The following AKNA variants were observed in gnomAD, a reference collection of about 807,000 sequenced individuals.
AKNA encodes the protein AT-hook transcription factor, also known as microtubule organization protein AKNA.
A neutral mutation model predicts 138.8 loss-of-function variants in AKNA; 67 were observed. The ratio of observed to expected loss-of-function variants is 0.48; its 90% CI spans 0.40 to 0.59. The LOEUF (loss-of-function observed/expected upper bound fraction) is 0.59. Among genes scored for constraint, AKNA ranks in the 20% least tolerant of loss-of-function variants. AKNA has a pLI of 0.00. For synonymous variants in AKNA, 737 were observed against 754.4 expected (o/e 0.98, Z 0.38); for missense variants, 1,813 against 1,880.4 (o/e 0.96, Z 0.66).
chr9:114,347,980 G>A (rs1047243118), intron 15 of AKNA, 80 bp from the exon 16 acceptor site: 42 of 1,473,370 alleles, frequency 2.9e-5, no homozygotes, highest in Admixed American at 7.2e-5. Flanking sequence ...GCCAGGATGC[G>A]GCAGCCTTTG....
intron 12 of AKNA, among the ~76,000 whole-genome samples, chr9:114,357,360 T>C (rs1203809341): frequency 4.6e-5 from 7 of 152,196 alleles, no homozygotes; most frequent in African/African-American, 1.2e-4. Flanking sequence ...GCCCAAGGCA[T>C]TGGAAAAACG....
downstream of AKNA, among the ~76,000 whole-genome samples, chr9:114,331,039 T>G (rs944717797): frequency 5.9e-5 from 9 of 152,026 alleles, no homozygotes; most frequent in African/African-American, 1.7e-4. Flanking sequence ...GAGAATTAGA[T>G]GAGGAAACAT....
chr9:114,375,570 T>C (rs1373339767), intron 3 of AKNA, among the ~76,000 whole-genome samples: 2 of 152,206 alleles, frequency 1.3e-5, no homozygotes, highest in Non-Finnish European at 2.9e-5. Flanking sequence ...TATGTGGTTA[T>C]GTTTAATATA....
At chr9:114,397,110 C>A (rs999654317), upstream of AKNA, among the ~76,000 whole-genome samples, 4 of 152,180 alleles carry the variant, frequency 2.6e-5, no homozygotes, top group African/African-American at 9.7e-5. Context: ...AAATGCAAAC[C>A]GGCTGGACTT....
In AKNA at chr9:114,349,495, G is replaced by A. The variant is rs79140535; in HGVS notation, c.3221+1364C>T. Reference sequence around the variant, plus strand: ...CTTCCCCTCTGTAGGGGCCCTCCCCGAGAACCCAGTCCCCATCATCTCTCT... The same window carrying A: ...CTTCCCCTCTGTAGGGGCCCTCCCCAAGAACCCAGTCCCCATCATCTCTCT... On this transcript the variant is annotated intron_variant, in intron 15 of 21. Coordinates refer to ENST00000374088, the MANE Select transcript of AKNA (RefSeq NM_001317950.2). 3.7e-3 allele frequency among the ~76,000 whole-genome samples: 564 copies of A among 152,126 alleles called. 3 individuals are homozygous for A. The highest frequency in any genetic ancestry group is 0.013 in the African/African-American group (532 of 41,476).
At position 114,376,867 on chromosome 9, in the gene AKNA, A is replaced by G. The variant is rs1366083767; in HGVS notation, c.940T>C (p.Ser314Pro). 6.2e-7 allele frequency: 1 copy of G among 1,614,144 alleles called. No individual in the cohort carries two copies. The highest frequency in any genetic ancestry group is 8.5e-7 in the Non-Finnish European group (1 of 1,179,998). Residue 314 changes from serine (S) to proline (P), a missense_variant, in exon 3 of 22, where the codon TCC (serine) becomes CCC (proline). Physicochemically the swap from Ser to Pro is moderately conservative, Grantham distance 74. Coordinates refer to ENST00000374088, the MANE Select transcript of AKNA (RefSeq NM_001317950.2). ...GGCTGGGGATTCAGGGGGCTGATGG[A>G]GCCAATGAATCGGGAAGGGAGTGGC... Reference protein sequence around the residue: ...PKPLPSRFIGSISPLNPQPRP... With the variant: ...PKPLPSRFIGPISPLNPQPRP...
chr9:114,375,287 G>A (rs757688417), intron 3 of AKNA, among the ~76,000 whole-genome samples: 3 of 152,166 alleles, frequency 2.0e-5, no homozygotes. Flanking sequence ...ACTGATTTCC[G>A]CAACAAATGA....
intron 15 of AKNA, 80 bp downstream of exon 15, chr9:114,350,779 C>T (rs1358369810): frequency 1.4e-6 from 2 of 1,450,162 alleles, no homozygotes; most frequent in African/African-American, 1.4e-5. Flanking sequence ...CAGGTCTCCA[C>T]CTCCACCTGC....
At chr9:114,396,171 C>T (rs1479582464), upstream of AKNA, among the ~76,000 whole-genome samples, 2 of 152,184 alleles carry the variant, frequency 1.3e-5, no homozygotes, top group African/African-American at 4.8e-5. Context: ...GATAAGAGCT[C>T]CTGCCCTCCC....
At chr9:114,376,375 C>G (rs1003289350) in intron 3 of AKNA, 91 bp downstream of exon 3, 1 of 1,377,078 alleles carries the variant, frequency 7.3e-7, no homozygotes, top group Non-Finnish European at 1.0e-6. Context: ...CCCCAGCCAG[C>G]CTCTACTCCA....
chr9:114,331,961 T>C, downstream of AKNA: 1 of 1,595,894 alleles, frequency 6.3e-7, no homozygotes. Flanking sequence ...GTGCCCACCT[T>C]GTCCATGGCC....
At chr9:114,362,678 G>C in intron 7 of AKNA, 145 bp from the exon 8 acceptor site, 1 of 1,170,474 alleles carries the variant, frequency 8.5e-7, no homozygotes, top group Non-Finnish European at 1.1e-6. Flanking sequence ...CTGAGGTTGA[G>C]ATCTCTGGAG....
intron 2 of AKNA, 79 bp downstream of exon 2, chr9:114,380,981 C>CAGAAAAAAAAAAAAACAAAAAAAA (rs1346229782): frequency 1.1e-6 from 1 of 949,986 alleles, no homozygotes; most frequent in African/African-American, 3.1e-5. Context: ...GACTCTGTCT[C>CAGAAAAAAAAAAAAACAAAAAAAA]AAAAAAAAAA....
chr9:114,381,072 T>C lies in AKNA; in HGVS notation c.262A>G (p.Thr88Ala). The C allele has an allele frequency of 6.4e-7, 1 of 1,556,608 alleles. No individual in the cohort carries two copies. Among genetic ancestry groups the C allele is most frequent in the Non-Finnish European group, 8.6e-7 (1 of 1,159,438 alleles). The change falls in exon 2 of 22, where the codon ACT becomes GCT. Residue 88 changes from threonine to alanine, a missense_variant. By Grantham distance (58) the Thr-to-Ala change is moderately conservative. Coordinates refer to ENST00000374088, the MANE Select transcript of AKNA (RefSeq NM_001317950.2). ...GTGTCAGTCTCACCTTCTCCCGAAG[T>C]CTCTCCTGACTCGGAATCCTGATGC... is the stretch of plus-strand genomic sequence containing the variant. ...DGHQDSESGETSGEEAEAEDV... is the reference protein window; with the variant it reads ...DGHQDSESGEASGEEAEAEDV...
At chr9:114,333,796 T>C (rs1829902350), downstream of AKNA, among the ~76,000 whole-genome samples, 1 of 150,520 alleles carries the variant, frequency 6.6e-6, no homozygotes. Context: ...TTGAGTAACC[T>C]TGAGGCAGAA....
intron 1 of AKNA, among the ~76,000 whole-genome samples, chr9:114,387,427 T>A (rs942480255): frequency 5.3e-5 from 8 of 152,162 alleles, no homozygotes; most frequent in Non-Finnish European, 1.2e-4. Flanking sequence ...CTCCTCTCCT[T>A]GCTCTTACGC....
At chr9:114,367,033 C>A (rs1010302731) in intron 6 of AKNA, among the ~76,000 whole-genome samples, 2 of 152,152 alleles carry the variant, frequency 1.3e-5, no homozygotes, top group Non-Finnish European at 2.9e-5. Context: ...GTGCTTTAAA[C>A]CACTTCTGGA....
At chr9:114,359,225 T>C (rs952619590) in intron 11 of AKNA, 6 of 284,396 alleles carry the variant, frequency 2.1e-5, no homozygotes, top group Non-Finnish European at 3.9e-5. Context: ...TGTACCACCA[T>C]GCCTGGCTAA....
intron 18 of AKNA, chr9:114,344,758 G>C: frequency 3.8e-5 from 6 of 156,626 alleles, no homozygotes; most frequent in Non-Finnish European, 7.2e-5. Context: ...AAAGGCTACA[G>C]AAAACCTCAT....
Sources: allele counts gnomAD v4.1 joint callset (sites outside exome capture counted in the v4.1 genomes callset), GRCh38; gene constraint gnomAD v4.1.1; transcripts MANE v1.5; gene names NCBI Gene and HGNC (gene_info 2026-07-23, HGNC 2026-07-21).